C7: variants seen among roughly 807,000 people sequenced by gnomAD.
C7 encodes complement C7.
In C7, 83 loss-of-function variants were observed where a neutral mutation model predicts 104.8. That is an observed-to-expected ratio of 0.79 (90% confidence interval 0.66 to 0.95). The LOEUF is 0.95. Among genes scored for constraint, C7 ranks in the 40% least tolerant of loss-of-function variants. The probability of loss-of-function intolerance (pLI) is 0.00; values close to 1 mark genes in which losing one functional copy is unlikely to be tolerated. For synonymous variants in C7, 415 were observed against 360.6 expected, an observed-to-expected ratio of 1.15 and a Z score of -1.71; for missense variants, 1,070 against 1,011.2, an observed-to-expected ratio of 1.06 and a Z score of -0.79.
intron 6 of C7, among the ~76,000 whole-genome samples, chr5:40,941,815 A>G (rs13354579): frequency 0.011 from 1,750 of 152,340 alleles, 43 homozygotes; most frequent in African/African-American, 0.04. Flanking sequence ...TATCTAAAGT[A>G]TGTCCAAGTG....
At chr5:40,953,154 G>A (rs1165873692) in intron 9 of C7, among the ~76,000 whole-genome samples, 1 of 151,962 alleles carries the variant, frequency 6.6e-6, no homozygotes, top group Non-Finnish European at 1.5e-5. Context: ...TGAAGACGAG[G>A]AAGCATCAGG....
chr5:40,916,662 C>CTCTAA (rs1415333799), intron 1 of C7, among the ~76,000 whole-genome samples: 2 of 152,150 alleles, frequency 1.3e-5, no homozygotes, highest in East Asian at 3.9e-4. Context: ...TTAGAGAATT[C>CTCTAA]AGCGGTAGGA....
At chr5:40,957,701 C>G (rs921494684) in intron 10 of C7, among the ~76,000 whole-genome samples, 69 of 151,942 alleles carry the variant, frequency 4.5e-4, no homozygotes, top group African/African-American at 1.6e-3. Flanking sequence ...GTGATCCCCC[C>G]TGCCGCAGCC....
intron 6 of C7, among the ~76,000 whole-genome samples, chr5:40,942,142 G>GTTC (rs1739953787): frequency 6.6e-6 from 1 of 152,218 alleles, no homozygotes; most frequent in South Asian, 2.1e-4. Flanking sequence ...GTAAGCGGAA[G>GTTC]AGTGAATGGG....
At chr5:40,952,903 T>C (rs1281394046) in intron 9 of C7, among the ~76,000 whole-genome samples, 1 of 152,144 alleles carries the variant, frequency 6.6e-6, no homozygotes, top group Admixed American at 6.5e-5. Flanking sequence ...AGTTCTTACA[T>C]AGGTGTGCTG....
chr5:40,949,350 A>C (rs1393376685), intron 8 of C7, among the ~76,000 whole-genome samples: 1 of 145,512 alleles, frequency 6.9e-6, no homozygotes, highest in Admixed American at 7.0e-5. Context: ...ACTTTCAAAA[A>C]ATGCATTGGC....
chr5:40,915,191 C>T lies in C7; in HGVS notation c.6+5575C>T, dbSNP rs369418534. ...GAGAGATAAAGAATCAGCAGTCAAA[C>T]GTCTAACACATTGATTTGCCATCAC... On this transcript the variant is annotated intron_variant, in intron 1 of 17. Transcript: ENST00000313164. Among the ~76,000 whole-genome samples the T allele has an allele frequency of 2.2e-4, 33 of 152,308 alleles. No individual in the cohort carries two copies. In the East Asian group the frequency reaches 5.8e-3, roughly 27 times the overall value.
At chr5:40,915,480 T>C (rs952726145) in intron 1 of C7, among the ~76,000 whole-genome samples, 1 of 152,208 alleles carries the variant, frequency 6.6e-6, no homozygotes, top group Non-Finnish European at 1.5e-5. Flanking sequence ...TAGTGGTTAA[T>C]GCCTAAAAAT....
At chr5:40,946,146 T>C (rs973451220) in intron 7 of C7, among the ~76,000 whole-genome samples, 1 of 151,922 alleles carries the variant, frequency 6.6e-6, no homozygotes, top group African/African-American at 2.4e-5. Flanking sequence ...TGCATGAAGA[T>C]AAAATACTTT....
intron 8 of C7, among the ~76,000 whole-genome samples, chr5:40,948,898 A>AT (rs1396394157): frequency 6.6e-6 from 1 of 151,992 alleles, no homozygotes; most frequent in Non-Finnish European, 1.5e-5. Flanking sequence ...AAACTATAAT[A>AT]TTTTTTCATT....
rs558860377 is a variant in C7 at position 40,945,080 on chromosome 5, C to T, written c.568-118C>T. 3 of 605,574 alleles carry T rather than the reference C, an allele frequency of 5.0e-6. No individual in the cohort carries two copies. The South Asian group carries it at 6.9e-5, about 14-fold the overall frequency. The allele number at this position is 605,574 out of a possible 1,614,324, so 37.5% of individuals were successfully genotyped here. On this transcript the variant is annotated intron_variant, in intron 6 of 17. Transcript: ENST00000313164. ...ACTGGCCTGGTCTTAATGAGAGTCACAGTTGCTTTGTGCCAATGAAGAGCT... is the reference window on the plus strand; with the variant it reads ...ACTGGCCTGGTCTTAATGAGAGTCATAGTTGCTTTGTGCCAATGAAGAGCT...
At chr5:40,960,625 T>C (rs1740401595) in intron 12 of C7, among the ~76,000 whole-genome samples, 2 of 152,088 alleles carry the variant, frequency 1.3e-5, no homozygotes, top group Non-Finnish European at 2.9e-5. Flanking sequence ...AAGAAAGTCA[T>C]TGAAGAGATT....
At chr5:40,979,638 T>G in intron 16 of C7, 87 bp from the exon 17 acceptor site, 1 of 1,045,390 alleles carries the variant, frequency 9.6e-7, no homozygotes, top group Non-Finnish European at 1.3e-6. Flanking sequence ...CTGGGGGCAC[T>G]AAGCTCAGAG....
chr5:40,949,783 A>G (rs775589787), intron 8 of C7, 121 bp from the exon 9 acceptor site: 10 of 667,318 alleles, frequency 1.5e-5, no homozygotes, highest in Non-Finnish European at 2.7e-5. Flanking sequence ...TGTTCATATC[A>G]TGTCACTCTT....
chr5:40,976,042 G>A (rs1740813128), intron 15 of C7, among the ~76,000 whole-genome samples: 2 of 152,196 alleles, frequency 1.3e-5, no homozygotes, highest in Admixed American at 6.5e-5. Context: ...GTTGGACCAC[G>A]GTGTTTACCT....
chr5:40,922,416 C>A (rs529005736), intron 1 of C7, among the ~76,000 whole-genome samples: 5 of 129,916 alleles, frequency 3.8e-5, no homozygotes, highest in Non-Finnish European at 8.0e-5. Context: ...AACATACACT[C>A]GGGGCTTGGG....
At position 40,937,642 on chromosome 5, in the gene C7, A is replaced by G; in HGVS notation, c.519A>G (p.Gly173=). Residue 173 remains glycine (G), a synonymous_variant, in exon 6 of 18, where the codon GGA becomes GGG. Transcript: ENST00000313164. The stretch of plus-strand genomic sequence containing the variant: ...GTAGAAAGGTGTTTAGTGGGGATGG[A>G]AAAGATTTCTACAGGCTGAGTGGAA... ...GQCRKVFSGD[G]KDFYRLSGNV... is the part of the protein sequence containing the mutation. 1 of 1,609,986 alleles carries G rather than the reference A, an allele frequency of 6.2e-7. No homozygotes were observed. The highest frequency in any genetic ancestry group is 8.5e-7 in the Non-Finnish European group (1 of 1,177,680).
chr5:40,914,740 T>A (rs1302790617), intron 1 of C7, among the ~76,000 whole-genome samples: 1 of 152,200 alleles, frequency 6.6e-6, no homozygotes, highest in East Asian at 1.9e-4. Flanking sequence ...TTGGTAACCC[T>A]TGGGCCATCC....
At chr5:40,978,583 T>G (rs1740869742) in intron 16 of C7, among the ~76,000 whole-genome samples, 1 of 152,210 alleles carries the variant, frequency 6.6e-6, no homozygotes, top group African/African-American at 2.4e-5. Context: ...AAAAGATAGA[T>G]TCAAAACAAC....
Sources: gnomAD v4.1 joint callset for allele counts (sites outside exome capture counted in the v4.1 genomes callset) on GRCh38, gnomAD v4.1.1 for gene constraint, MANE v1.5 for transcripts, NCBI Gene and HGNC (gene_info 2026-07-23, HGNC 2026-07-21) for gene names.